DNAH7: variants seen among roughly 807,000 people sequenced by gnomAD.
The protein encoded by DNAH7 is axonemal beta dynein heavy chain 7.
Under a neutral mutation model 444.6 loss-of-function variants are expected in DNAH7, and 397 were observed. That is an observed-to-expected ratio of 0.89 (90% CI 0.82 to 0.97). The LOEUF (loss-of-function observed/expected upper bound fraction) is 0.97, where lower values mean the gene tolerates loss of function less well. Ranked by LOEUF, DNAH7 falls within the 50% of genes least tolerant of loss-of-function variation. The probability of loss-of-function intolerance (pLI) is 0.00; values close to 1 mark genes in which losing one functional copy is unlikely to be tolerated. For synonymous variants in DNAH7, 1,636 were observed against 1,624.4 expected (o/e 1.01, Z -0.17); for missense variants, 4,902 against 4,800.8 (o/e 1.02, Z -0.62).
chr2:195,897,760 T>G lies in DNAH7; in HGVS notation c.4554A>C (p.Lys1518Asn), dbSNP rs761804847. Residue 1518 changes from lysine to asparagine, a missense_variant, in exon 29 of 65, where the codon AAA (lysine) becomes AAC (asparagine). Lys to Asn is a moderately conservative substitution (Grantham distance 94). Coordinates refer to ENST00000312428, the MANE Select transcript of DNAH7 (RefSeq NM_018897.3). ...VLTAAGNLKL[K>N]YPNENEEILL... ...AAATTTCTTCATTTTCATTTGGATA[T>G]TTCAGCTAAAAAAAAAAAAAAAAAC... is the stretch of plus-strand genomic sequence containing the variant. 1 of 1,539,914 alleles carries G rather than the reference T, an allele frequency of 6.5e-7. No homozygotes were observed. Among genetic ancestry groups the G allele is most frequent in the Non-Finnish European group, 8.7e-7 (1 of 1,142,928 alleles).
rs146463525 is a variant in DNAH7 at position 195,864,207 on chromosome 2, C to T, written c.7448G>A (p.Arg2483Gln). The T allele has an allele frequency of 3.3e-3, 5,287 of 1,614,088 alleles. 22 individuals are homozygous for T. The highest frequency in any genetic ancestry group is 5.0e-3 in the Admixed American group (301 of 60,020). The change falls in exon 41 of 65, where the codon CGG (arginine) becomes CAG (glutamine). Residue 2483 changes from arginine to glutamine, a missense_variant. Arg to Gln is a conservative substitution (Grantham distance 43, BLOSUM62 1). Coordinates refer to ENST00000312428, the MANE Select transcript of DNAH7 (RefSeq NM_018897.3). ...AGCAGGGAACTTTCTAAGACGATTC[C>T]GAAATGCATCTCCAATGGGACTCAT... ...LAMSPIGDAF[R>Q]NRLRKFPALV... is the part of the protein sequence containing the mutation.
rs958850052 is a variant in DNAH7, at chr2:195,921,727, C to G, written c.3935+361G>C. Among the ~76,000 whole-genome samples, 6 of 152,048 alleles carry G rather than the reference C, an allele frequency of 3.9e-5. 1 individual carries two copies. Among genetic ancestry groups the G allele is most frequent in the African/African-American group, 1.5e-4 (6 of 41,372 alleles). On this transcript the variant is annotated intron_variant, in intron 24 of 64. Transcript: ENST00000312428. ...CATGTAACCAAACACCACCTGTTCCCCATAAACCTATTGAAATAATAAAAA... is the reference window on the plus strand; with the variant it reads ...CATGTAACCAAACACCACCTGTTCCGCATAAACCTATTGAAATAATAAAAA...
Position 195,738,081 on chromosome 2 carries a change from C to CTT in DNAH7, c.11913_11914dup (p.Ser3972LysfsTer27), listed in dbSNP as rs770890721. On this transcript the variant is annotated frameshift_variant, in exon 65 of 65. Transcript: ENST00000312428. LOFTEE classifies it low-confidence loss of function (END_TRUNC). ...TGTCTTATACAATGGAGCAACATAA[C>CTT]TTGGCCGTTTTGGTATATCTGCCCT... 1 of 1,613,976 alleles carries CTT rather than the reference C, an allele frequency of 6.2e-7. No homozygotes were observed. Among genetic ancestry groups the CTT allele is most frequent in the South Asian group, 1.1e-5 (1 of 91,084 alleles).
chr2:195,765,045 C>A (rs1098940), intron 61 of DNAH7, among the ~76,000 whole-genome samples: 5,987 of 151,946 alleles, frequency 0.039, 353 homozygotes, highest in East Asian at 0.26. Context: ...AGACACACAG[C>A]CCAATAGAAC....
In DNAH7 at chr2:195,922,178, T is replaced by C; in HGVS notation, c.3845A>G (p.Lys1282Arg). Residue 1282 changes from lysine to arginine, a missense_variant, in exon 24 of 65, where the codon AAA (lysine) becomes AGA (arginine). Coordinates refer to ENST00000312428, the MANE Select transcript of DNAH7 (RefSeq NM_018897.3). ...ATATCGCAAACCAGCATTGATCATT[T>C]TTGTTTCTAAATGATTTTCCTAGGA... ...YYWQENHLET[K>R]MINAGLRYGY... 6 of 1,610,146 alleles carry C rather than the reference T, an allele frequency of 3.7e-6. No individual in the cohort carries two copies. The highest frequency in any genetic ancestry group is 5.1e-6 in the Non-Finnish European group (6 of 1,176,600).
intron 19 of DNAH7, among the ~76,000 whole-genome samples, chr2:195,939,264 T>A (rs1243772943): frequency 6.6e-6 from 1 of 152,122 alleles, no homozygotes; most frequent in Non-Finnish European, 1.5e-5. Flanking sequence ...AGCATTTACA[T>A]CACTCCATGT....
chr2:195,940,582 G>A (rs992989169), intron 19 of DNAH7, among the ~76,000 whole-genome samples: 3 of 152,126 alleles, frequency 2.0e-5, no homozygotes, highest in East Asian at 1.9e-4. Flanking sequence ...TCATCAGAGT[G>A]AACAGGCAAC....
intron 31 of DNAH7, among the ~76,000 whole-genome samples, chr2:195,890,477 A>G (rs1160968936): frequency 6.6e-6 from 1 of 152,216 alleles, no homozygotes. Context: ...GAAAAATGTA[A>G]TGTAAGTTGT....
intron 9 of DNAH7, among the ~76,000 whole-genome samples, chr2:196,017,404 C>T (rs1487267994): frequency 1.3e-5 from 2 of 152,130 alleles, no homozygotes; most frequent in African/African-American, 4.8e-5. Context: ...GACAATTTTT[C>T]TCTTTCCATC....
intron 57 of DNAH7, among the ~76,000 whole-genome samples, chr2:195,788,885 G>A (rs537389241): frequency 1.4e-3 from 208 of 152,332 alleles, no homozygotes; most frequent in African/African-American, 4.9e-3. Context: ...TTGCATGTAT[G>A]TGTGCATGTA....
At chr2:196,003,236 G>T (rs190497305) in intron 10 of DNAH7, among the ~76,000 whole-genome samples, 3 of 150,002 alleles carry the variant, frequency 2.0e-5, no homozygotes, top group Non-Finnish European at 4.4e-5. Context: ...GAATTATAAA[G>T]AAAAATAAAT....
At position 195,960,618 on chromosome 2, in the gene DNAH7, A is replaced by AG; in HGVS notation, c.2532dup (p.Cys845LeufsTer2). ...TGCCTGGGGCGCAAACCAGGATTACAGATCACTTGAATGAGAGGAATGTGC... is the reference window on the plus strand; with the variant it reads ...TGCCTGGGGCGCAAACCAGGATTACAGGATCACTTGAATGAGAGGAATGTGC... On this transcript the variant is annotated frameshift_variant, in exon 18 of 65. Coordinates refer to ENST00000312428, the MANE Select transcript of DNAH7 (RefSeq NM_018897.3). LOFTEE classifies it high-confidence loss of function. 6.2e-7 allele frequency: 1 copy of AG among 1,614,238 alleles called. No individual in the cohort carries two copies. The highest frequency in any genetic ancestry group is 8.5e-7 in the Non-Finnish European group (1 of 1,180,032).
At chr2:195,873,357 C>T (rs530319585) in intron 39 of DNAH7, among the ~76,000 whole-genome samples, 16 of 152,302 alleles carry the variant, frequency 1.1e-4, no homozygotes, top group African/African-American at 3.8e-4. Context: ...ATAACTCAAA[C>T]GTGAACATAT....
intron 24 of DNAH7, among the ~76,000 whole-genome samples, chr2:195,918,436 G>C (rs1398999221): frequency 2.0e-5 from 3 of 152,188 alleles, no homozygotes; most frequent in African/African-American, 7.2e-5. Context: ...TTACCCAAAT[G>C]AGTTTAAAAC....
At chr2:195,855,681 C>T (rs538120708) in intron 45 of DNAH7, 130 bp downstream of exon 45, 11 of 936,494 alleles carry the variant, frequency 1.2e-5, no homozygotes, top group Non-Finnish European at 1.4e-5. Context: ...GCAGATGTGG[C>T]CTGCGGGTCA....
At chr2:195,767,574 C>A (rs1044719637) in intron 61 of DNAH7, among the ~76,000 whole-genome samples, 2 of 151,752 alleles carry the variant, frequency 1.3e-5, no homozygotes, top group Admixed American at 6.6e-5. Context: ...TATCCTTTTT[C>A]TTGTCTCTTA....
At chr2:196,025,217 T>C (rs1235155051) in intron 7 of DNAH7, among the ~76,000 whole-genome samples, 1 of 152,152 alleles carries the variant, frequency 6.6e-6, no homozygotes, top group Non-Finnish European at 1.5e-5. Context: ...CAGTATTGCC[T>C]TGTTCTCTTT....
At chr2:195,744,536 G>A (rs370208220) in intron 63 of DNAH7, among the ~76,000 whole-genome samples, 116 of 152,296 alleles carry the variant, frequency 7.6e-4, no homozygotes, top group East Asian at 5.6e-3. Context: ...ATATGAGAAC[G>A]GGCAGACTGC....
At chr2:195,794,901 T>C (rs1696064180) in intron 56 of DNAH7, among the ~76,000 whole-genome samples, 1 of 152,216 alleles carries the variant, frequency 6.6e-6, no homozygotes, top group South Asian at 2.1e-4. Flanking sequence ...CAGAGCTAGA[T>C]TAAAGACTAA....
Sources: allele counts gnomAD v4.1 joint callset (sites outside exome capture counted in the v4.1 genomes callset), GRCh38; gene constraint gnomAD v4.1.1; transcripts MANE v1.5; gene names NCBI Gene and HGNC (gene_info 2026-07-23, HGNC 2026-07-21).